DIP2C: variants seen among roughly 807,000 people sequenced by gnomAD.
DIP2C encodes DIP2 acetate--CoA ligase C (putative), also known as disco-interacting protein 2 homolog C.
DIP2C carries 33 observed loss-of-function variants against 192.4 expected under a neutral mutation model. That is an observed-to-expected ratio of 0.17 (90% CI 0.13 to 0.23). The LOEUF (loss-of-function observed/expected upper bound fraction) is 0.23. DIP2C is among the 10% of genes least tolerant of loss of function. DIP2C has a pLI of 1.00. For synonymous variants in DIP2C, 979 were observed against 864.1 expected (o/e 1.13, Z -2.33); for missense variants, 1,537 against 2,110.1 (o/e 0.73, Z 5.32).
chr10:580,202 ACAT>A (rs1369313981), intron 1 of DIP2C, among the ~76,000 whole-genome samples: 1 of 150,886 alleles, frequency 6.6e-6, no homozygotes, highest in Non-Finnish European at 1.5e-5. Flanking sequence ...ATACATATGC[ACAT>A]ATATATAATG....
intron 31 of DIP2C, among the ~76,000 whole-genome samples, chr10:314,783 A>C (rs1331902389): frequency 1.3e-5 from 2 of 152,218 alleles, no homozygotes; most frequent in African/African-American, 4.8e-5. Context: ...CTCTTTTATA[A>C]GGGTGGAAGT....
chr10:395,497 G>C (rs1390312236), intron 10 of DIP2C, among the ~76,000 whole-genome samples: 1 of 152,172 alleles, frequency 6.6e-6, no homozygotes, highest in Non-Finnish European at 1.5e-5. Flanking sequence ...TCGGCCTCAG[G>C]GGAGGGTCTC....
chr10:546,277 TAAAAA>T (rs370870788), intron 1 of DIP2C, among the ~76,000 whole-genome samples: 10 of 109,414 alleles, frequency 9.1e-5, no homozygotes, highest in East Asian at 5.2e-4. Context: ...GCAAGACTCT[TAAAAA>T]AAAAAAAAAA....
chr10:413,733 T>C (rs1965338089), intron 8 of DIP2C, among the ~76,000 whole-genome samples, 180 bp downstream of exon 8: 1 of 150,982 alleles, frequency 6.6e-6, no homozygotes. Flanking sequence ...TAAGTGAGGA[T>C]TTAAACAGAC....
chr10:674,789 T>TATAGAGAGAGAGAGAGAG, intron 1 of DIP2C, among the ~76,000 whole-genome samples: 3 of 62,486 alleles, frequency 4.8e-5, no homozygotes, highest in Admixed American at 2.0e-4. Flanking sequence ...TATATATATA[T>TATAGAGAGAGAGAGAGAG]AGAGAGAGAG....
intron 1 of DIP2C, chr10:663,265 C>G: frequency 4.2e-6 from 1 of 238,546 alleles, no homozygotes; most frequent in Non-Finnish European, 8.1e-6. Flanking sequence ...AGGCTGAGAT[C>G]AGCTGAAATA....
chr10:430,919 T>C (rs1018912965), intron 4 of DIP2C, among the ~76,000 whole-genome samples: 2 of 152,262 alleles, frequency 1.3e-5, no homozygotes, highest in Non-Finnish European at 2.9e-5. Flanking sequence ...CTAGGTTTGG[T>C]GTTTTTCTTT....
intron 1 of DIP2C, among the ~76,000 whole-genome samples, chr10:679,054 C>CAG (rs1831002069): frequency 5.3e-5 from 1 of 18,738 alleles, no homozygotes; most frequent in Admixed American, 7.4e-4. Flanking sequence ...TCCCCACACC[C>CAG]GTCCTCCCCG....
chr10:436,681 C>G (rs1967240452), intron 4 of DIP2C, among the ~76,000 whole-genome samples: 2 of 150,286 alleles, frequency 1.3e-5, no homozygotes, highest in Admixed American at 1.3e-4. Context: ...CAAGCTCCGC[C>G]TCCTGGACAT....
At chr10:381,642 C>G (rs764515908) in intron 17 of DIP2C, among the ~76,000 whole-genome samples, 1 of 152,228 alleles carries the variant, frequency 6.6e-6, no homozygotes, top group East Asian at 1.9e-4. Context: ...GAGGGAGACA[C>G]GTCCTGCTCT....
intron 1 of DIP2C, among the ~76,000 whole-genome samples, chr10:536,146 G>C (rs1847679017): frequency 6.6e-6 from 1 of 152,164 alleles, no homozygotes; most frequent in Non-Finnish European, 1.5e-5. Flanking sequence ...GCTCCAAGTG[G>C]GATCCTTGCT....
Position 470,450 on chromosome 10 carries a change from C to T in DIP2C, c.268+1989G>A, listed in dbSNP as rs544134133. Among the ~76,000 whole-genome samples the T allele has an allele frequency of 1.3e-4, 20 of 152,314 alleles. No individual in the cohort carries two copies. In the South Asian group the frequency reaches 3.9e-3, roughly 30 times the overall value. On this transcript the variant is annotated intron_variant, in intron 3 of 36. Coordinates refer to ENST00000280886, the MANE Select transcript of DIP2C (RefSeq NM_014974.3). ...CATGTGCCTCTCTCTTCCACACCTT[C>T]CTGCCTTTGAAGAGGTGAGGTAAGG...
chr10:563,776 TAAC>T (rs1406215954), intron 1 of DIP2C, among the ~76,000 whole-genome samples: 11 of 152,320 alleles, frequency 7.2e-5, no homozygotes, highest in Non-Finnish European at 1.3e-4. Context: ...AATGGTTGCT[TAAC>T]AAGTTCAGAC....
At chr10:484,932 G>A (rs750715316) in intron 2 of DIP2C, 19 of 1,608,486 alleles carry the variant, frequency 1.2e-5, no homozygotes, top group Admixed American at 1.7e-5. Flanking sequence ...ACCGAACCAC[G>A]GCAGCTCCAT....
chr10:596,040 T>TA (rs1278789131), intron 1 of DIP2C, among the ~76,000 whole-genome samples: 3 of 152,146 alleles, frequency 2.0e-5, no homozygotes, highest in African/African-American at 7.2e-5. Flanking sequence ...TCAGACCCAC[T>TA]AAGGCCTGTT....
chr10:518,443 G>A (rs1489359461), intron 1 of DIP2C, among the ~76,000 whole-genome samples: 1 of 152,214 alleles, frequency 6.6e-6, no homozygotes, highest in African/African-American at 2.4e-5. Flanking sequence ...CCCCAGAAAC[G>A]CACAGGTTGA....
intron 3 of DIP2C, among the ~76,000 whole-genome samples, chr10:466,213 A>G (rs960330485): frequency 3.9e-5 from 6 of 152,076 alleles, no homozygotes; most frequent in African/African-American, 1.5e-4. Flanking sequence ...GGAACAGAAC[A>G]GAGCCTGCAG....
chr10:423,118 T>C, intron 4 of DIP2C, 85 bp from the exon 5 acceptor site: 1 of 1,278,438 alleles, frequency 7.8e-7, no homozygotes, highest in East Asian at 2.3e-5. Context: ...ACAGATTTAC[T>C]TCACGTAAGT....
intron 2 of DIP2C, among the ~76,000 whole-genome samples, chr10:472,771 T>G (rs1396993322): frequency 6.6e-6 from 1 of 152,082 alleles, no homozygotes; most frequent in Non-Finnish European, 1.5e-5. Context: ...ACGGTCCCTT[T>G]CACAGCACAA....
Sources: allele counts gnomAD v4.1 joint callset (sites outside exome capture counted in the v4.1 genomes callset), GRCh38; gene constraint gnomAD v4.1.1; transcripts MANE v1.5; gene names NCBI Gene and HGNC (gene_info 2026-07-23, HGNC 2026-07-21).